The following ADAMTS17 variants were observed in gnomAD, a reference collection of about 807,000 sequenced individuals.
ADAMTS17 encodes the protein ADAM metallopeptidase with thrombospondin type 1 motif 17.
In ADAMTS17, 113 loss-of-function variants were observed where a neutral mutation model predicts 141.5. The observed-to-expected ratio is 0.80, with a 90% CI of 0.69 to 0.93. The LOEUF is 0.93. Among genes scored for constraint, ADAMTS17 ranks in the 40% least tolerant of loss-of-function variants. ADAMTS17 has a pLI of 0.00. For missense variants in ADAMTS17, 1,659 were observed against 1,517.9 expected (o/e 1.09, Z -1.54); for synonymous variants, 768 against 630.6 (o/e 1.22, Z -3.27).
At chr15:100,017,255 C>T (rs908684353) in intron 18 of ADAMTS17, among the ~76,000 whole-genome samples, 2 of 152,198 alleles carry the variant, frequency 1.3e-5, no homozygotes, top group Non-Finnish European at 2.9e-5. Context: ...AGGCAGTGGG[C>T]AAGCTAGGCT....
At chr15:100,018,508 C>T (rs59889689) in intron 18 of ADAMTS17, among the ~76,000 whole-genome samples, 1 of 152,114 alleles carries the variant, frequency 6.6e-6, no homozygotes. Context: ...CTCAGGAGAT[C>T]TGGTTGCTTA....
chr15:100,244,002 G>A (rs1045219800), intron 7 of ADAMTS17, among the ~76,000 whole-genome samples: 7 of 152,034 alleles, frequency 4.6e-5, no homozygotes, highest in African/African-American at 1.7e-4. Flanking sequence ...ACATACCAGA[G>A]TCTGGGTATA....
chr15:100,089,042 G>C (rs2035285256), intron 15 of ADAMTS17, among the ~76,000 whole-genome samples: 1 of 151,748 alleles, frequency 6.6e-6, no homozygotes, highest in Admixed American at 6.6e-5. Flanking sequence ...TACCATCAGA[G>C]TGAACAGGCA....
At chr15:100,082,617 T>C (rs1482595631) in intron 15 of ADAMTS17, among the ~76,000 whole-genome samples, 1 of 152,044 alleles carries the variant, frequency 6.6e-6, no homozygotes, top group African/African-American at 2.4e-5. Flanking sequence ...GATAGTCATA[T>C]TTTTAATTTT....
At chr15:100,154,628 G>A (rs1288717926) in intron 9 of ADAMTS17, among the ~76,000 whole-genome samples, 1 of 152,174 alleles carries the variant, frequency 6.6e-6, no homozygotes, top group Non-Finnish European at 1.5e-5. Flanking sequence ...TACAGACTGT[G>A]ACAAAGGTCT....
intron 7 of ADAMTS17, among the ~76,000 whole-genome samples, chr15:100,246,514 TTG>T (rs1178618360): frequency 6.6e-6 from 1 of 152,222 alleles, no homozygotes; most frequent in Non-Finnish European, 1.5e-5. Flanking sequence ...AGACTGCAAG[TTG>T]TCTAATTTGG....
intron 10 of ADAMTS17, among the ~76,000 whole-genome samples, chr15:100,144,723 C>G (rs1373617504): frequency 2.0e-5 from 3 of 152,022 alleles, no homozygotes; most frequent in East Asian, 3.9e-4. Context: ...TCTTTGAAAT[C>G]TATCCAAGGA....
intron 7 of ADAMTS17, among the ~76,000 whole-genome samples, chr15:100,251,151 G>A (rs1419289528): frequency 1.3e-5 from 2 of 152,168 alleles, no homozygotes; most frequent in African/African-American, 4.8e-5. Context: ...GAAAGAACAC[G>A]TACTGGGGAT....
intron 4 of ADAMTS17, among the ~76,000 whole-genome samples, chr15:100,271,578 T>C (rs1289011074): frequency 1.2e-5 from 1 of 83,050 alleles, no homozygotes; most frequent in Non-Finnish European, 2.4e-5. Flanking sequence ...ATTTTTTAAA[T>C]TGAATTGTTT....
At chr15:100,247,872 C>T (rs931811864) in intron 7 of ADAMTS17, among the ~76,000 whole-genome samples, 51 of 151,802 alleles carry the variant, frequency 3.4e-4, no homozygotes, top group African/African-American at 1.2e-3. Context: ...ACCGTCCTGG[C>T]CAGCAATATC....
chr15:100,029,251 A>G lies in ADAMTS17; in HGVS notation c.2591+19606T>C, dbSNP rs532314026. 8.5e-5 allele frequency among the ~76,000 whole-genome samples: 13 copies of G among 152,316 alleles called. No individual in the cohort carries two copies. The South Asian group carries it at 2.7e-3, about 32-fold the overall frequency. On this transcript the variant is annotated intron_variant, in intron 18 of 21. Transcript: ENST00000268070. ...GACTTTCTGTAGCTGTGGGAACAAA[A>G]CTACCTCTACTCTGACCTTTACTTA...
rs780775353 is a variant in ADAMTS17, at chr15:99,974,512, C to T, written c.3178G>A (p.Val1060Ile). 3 of 1,614,232 alleles carry T rather than the reference C, an allele frequency of 1.9e-6. No individual in the cohort carries two copies. The highest frequency in any genetic ancestry group is 2.5e-6 in the Non-Finnish European group (3 of 1,180,024). ...TGGCAGAGGTTCTTTTCTCGGATGA[C>T]CCGGCAATATACCGTCCACTGGTCT... ...TRDQWTVYCR[V>I]IREKNLCQDM... is the part of the protein sequence containing the mutation. Residue 1060 changes from valine to isoleucine, a missense_variant, in exon 22 of 22, where the codon GTC becomes ATC. Transcript: ENST00000268070.
intron 20 of ADAMTS17, among the ~76,000 whole-genome samples, chr15:99,991,354 G>A (rs1798639875): frequency 6.6e-6 from 1 of 152,110 alleles, no homozygotes; most frequent in South Asian, 2.1e-4. Flanking sequence ...TCAAAAAGTG[G>A]GTGAAGGATA....
chr15:100,195,235 C>T (rs1166874596), intron 8 of ADAMTS17, among the ~76,000 whole-genome samples: 3 of 152,238 alleles, frequency 2.0e-5, no homozygotes, highest in Non-Finnish European at 2.9e-5. Context: ...CAGCTTCTCA[C>T]ACAGCACCTG....
rs541282973 is a variant in ADAMTS17 at position 100,137,498 on chromosome 15, C to T, written c.1474-4183G>A. The stretch of plus-strand genomic sequence containing the variant: ...TGGGGCTTGGAGGTGGAGATGCATT[C>T]ATCATGCTCAGGAAGCCAGGCACCC... On this transcript the variant is annotated intron_variant, in intron 10 of 21. Transcript: ENST00000268070. 2.0e-4 allele frequency among the ~76,000 whole-genome samples: 30 copies of T among 152,220 alleles called. 1 individual carries two copies. In the South Asian group the frequency reaches 6.0e-3, roughly 31 times the overall value.
chr15:100,112,792 C>A (rs2036868648), intron 13 of ADAMTS17, among the ~76,000 whole-genome samples: 1 of 152,130 alleles, frequency 6.6e-6, no homozygotes, highest in African/African-American at 2.4e-5. Context: ...TGCCTGGCAT[C>A]AGGACTTCTG....
chr15:100,180,483 G>C (rs1159284536), intron 8 of ADAMTS17, among the ~76,000 whole-genome samples: 1 of 152,064 alleles, frequency 6.6e-6, no homozygotes, highest in Non-Finnish European at 1.5e-5. Context: ...TTTTGCTCAG[G>C]ATAGCTTTTG....
intron 15 of ADAMTS17, among the ~76,000 whole-genome samples, chr15:100,058,129 C>T (rs1165211941): frequency 6.6e-6 from 1 of 151,890 alleles, no homozygotes; most frequent in East Asian, 1.9e-4. Context: ...GGCCTCTGCC[C>T]ATATCCCAGC....
chr15:100,229,439 G>A (rs1434743625), intron 7 of ADAMTS17, among the ~76,000 whole-genome samples: 1 of 152,174 alleles, frequency 6.6e-6, no homozygotes, highest in Non-Finnish European at 1.5e-5. Context: ...TGGTCCATGG[G>A]ACAATCACTC....
Sources: allele counts gnomAD v4.1 joint callset (sites outside exome capture counted in the v4.1 genomes callset), GRCh38; gene constraint gnomAD v4.1.1; transcripts MANE v1.5; gene names NCBI Gene and HGNC (gene_info 2026-07-23, HGNC 2026-07-21).